The following VAT1L variants were observed in gnomAD, a reference collection of about 807,000 sequenced individuals.
The protein encoded by VAT1L is putative NADPH-dependent quinone oxidoreductase VAT1L.
Under a neutral mutation model 44.1 loss-of-function variants are expected in VAT1L, and 34 were observed. The ratio of observed to expected loss-of-function variants is 0.77; its 90% CI spans 0.59 to 1.03. The LOEUF is 1.03. VAT1L is among the 50% of genes least tolerant of loss of function. VAT1L has a pLI of 0.00. For synonymous variants in VAT1L, 253 were observed against 202.2 expected, an observed-to-expected ratio of 1.25 and a Z score of -2.13; for missense variants, 615 against 538.8, an observed-to-expected ratio of 1.14 and a Z score of -1.40.
In VAT1L at chr16:77,805,729, G is replaced by A. The variant is rs1316000192; in HGVS notation, c.234-11192G>A. On this transcript the variant is annotated intron_variant, in intron 1 of 8. Transcript: ENST00000302536. ...TGATGCCTGCCTCTCCGCCAGTGTC[G>A]TGATCTCCGACTTCCCACAGACACA... Among the ~76,000 whole-genome samples the A allele has an allele frequency of 3.9e-5, 6 of 151,946 alleles. No homozygotes were observed. In the South Asian group the frequency reaches 1.2e-3, roughly 32 times the overall value.
At chr16:77,871,490 T>C (rs540064728) in intron 4 of VAT1L, among the ~76,000 whole-genome samples, 1 of 152,226 alleles carries the variant, frequency 6.6e-6, no homozygotes, top group Non-Finnish European at 1.5e-5. Context: ...ACAGTGGTGG[T>C]CGCCTCAGGG....
chr16:77,912,074 G>C (rs1348933058), intron 7 of VAT1L, among the ~76,000 whole-genome samples: 1 of 152,164 alleles, frequency 6.6e-6, no homozygotes, highest in Non-Finnish European at 1.5e-5. Flanking sequence ...AAGGCAGTGT[G>C]ACATAGTAGA....
intron 2 of VAT1L, among the ~76,000 whole-genome samples, chr16:77,818,019 A>T (rs2145237423): frequency 6.6e-6 from 1 of 152,264 alleles, no homozygotes; most frequent in Admixed American, 6.5e-5. Context: ...AGGGTTCAGT[A>T]ATTTTCTGTG....
At chr16:77,908,464 CAAAAAAAAAAA>C (rs11418351) in intron 7 of VAT1L, among the ~76,000 whole-genome samples, 11 of 39,380 alleles carry the variant, frequency 2.8e-4, no homozygotes, top group Admixed American at 2.3e-3. Flanking sequence ...GGTTCTGTCT[CAAAAAAAAAAA>C]AAAAAAAAAA....
At chr16:77,824,130 A>T (rs1397613998) in intron 2 of VAT1L, among the ~76,000 whole-genome samples, 1 of 152,254 alleles carries the variant, frequency 6.6e-6, no homozygotes, top group Non-Finnish European at 1.5e-5. Context: ...ATTTTTGAGA[A>T]GTCCTAAAGG....
chr16:77,796,105 G>A (rs2015929179), intron 1 of VAT1L, among the ~76,000 whole-genome samples: 1 of 152,130 alleles, frequency 6.6e-6, no homozygotes, highest in African/African-American at 2.4e-5. Flanking sequence ...GGATTTACAG[G>A]CATGAGGCAC....
At chr16:77,925,387 T>TC (rs2017654974) in intron 7 of VAT1L, among the ~76,000 whole-genome samples, 2 of 152,156 alleles carry the variant, frequency 1.3e-5, no homozygotes, top group Admixed American at 1.3e-4. Flanking sequence ...TAATTTCACC[T>TC]CGATCAAGTG....
intron 7 of VAT1L, among the ~76,000 whole-genome samples, chr16:77,907,428 G>A (rs1374581156): frequency 6.6e-6 from 1 of 152,122 alleles, no homozygotes; most frequent in African/African-American, 2.4e-5. Context: ...ATTTTTTGCT[G>A]TGAGGCTATA....
At chr16:77,815,661 G>C (rs2016337857) in intron 1 of VAT1L, among the ~76,000 whole-genome samples, 1 of 152,070 alleles carries the variant, frequency 6.6e-6, no homozygotes, top group African/African-American at 2.4e-5. Flanking sequence ...AAATAAGCAA[G>C]ATGTGCTTTA....
intron 4 of VAT1L, among the ~76,000 whole-genome samples, chr16:77,867,373 A>T (rs763291746): frequency 1.3e-5 from 2 of 152,316 alleles, no homozygotes. Flanking sequence ...AAAGCTATTA[A>T]AAAAACCTGC....
At chr16:77,868,453 C>A (rs191625728) in intron 4 of VAT1L, among the ~76,000 whole-genome samples, 1 of 152,302 alleles carries the variant, frequency 6.6e-6, no homozygotes, top group East Asian at 1.9e-4. Context: ...TGAGCAATGC[C>A]TAAATGGAAG....
chr16:77,801,821 C>CCATACCTATG (rs924266447), intron 1 of VAT1L: 1 of 152,008 alleles, frequency 6.6e-6, no homozygotes, highest in African/African-American at 2.4e-5. Context: ...ATTAAACCTA[C>CCATACCTATG]CATACCTATG....
At chr16:77,840,628 A>G (rs763062762) in intron 3 of VAT1L, among the ~76,000 whole-genome samples, 40 of 152,198 alleles carry the variant, frequency 2.6e-4, no homozygotes, top group Non-Finnish European at 5.6e-4. Flanking sequence ...AGAAAATACT[A>G]CAGACCAGTT....
Position 77,943,469 on chromosome 16 carries a change from G to T in VAT1L, c.1078-28381G>T, listed in dbSNP as rs140635053. Among the ~76,000 whole-genome samples the T allele has an allele frequency of 7.8e-3, 1,013 of 129,630 alleles. 14 individuals are homozygous for T. Among genetic ancestry groups the T allele is most frequent in the African/African-American group, 0.029 (971 of 33,952 alleles). 85.0% of individuals were successfully genotyped at this position (129,630 alleles called of 152,430 possible). ...GGCTGGAGTGCAGCGGCACCATCACGGCTCACTGCAAGCTCCACCTCCCGG... is the reference window on the plus strand; with the variant it reads ...GGCTGGAGTGCAGCGGCACCATCACTGCTCACTGCAAGCTCCACCTCCCGG... On this transcript the variant is annotated intron_variant, in intron 7 of 8. Transcript: ENST00000302536.
chr16:77,884,414 C>T lies in VAT1L; in HGVS notation c.883-194C>T, dbSNP rs1027329216. Among the ~76,000 whole-genome samples the T allele has an allele frequency of 1.3e-5, 2 of 151,918 alleles. No homozygotes were observed. The highest frequency in any genetic ancestry group is 4.8e-5 in the African/African-American group (2 of 41,330). On this transcript the variant is annotated intron_variant, in intron 6 of 8. Coordinates refer to ENST00000302536, the MANE Select transcript of VAT1L (RefSeq NM_020927.3). This position sits in a 1 kb window ranked among gnomAD's most constrained non-coding sequence, Gnocchi z 4.5. ...CTCCAGCCTGGGCTACAGAGTGAGA[C>T]TCCATCTCAAAAAATAAAAATAAAA...
intron 7 of VAT1L, among the ~76,000 whole-genome samples, chr16:77,951,342 T>C (rs569740630): frequency 6.1e-4 from 93 of 152,150 alleles, no homozygotes; most frequent in African/African-American, 2.2e-3. Context: ...GGTCAGGAGC[T>C]TGGGACCAGC....
intron 3 of VAT1L, among the ~76,000 whole-genome samples, chr16:77,837,230 G>A (rs571685456): frequency 6.6e-6 from 1 of 152,320 alleles, no homozygotes; most frequent in East Asian, 1.9e-4. Context: ...TTTCCCAGGA[G>A]CTGAGGAAGA....
At chr16:77,829,215 C>CAT (rs1437821683) in intron 3 of VAT1L, among the ~76,000 whole-genome samples, 1 of 152,152 alleles carries the variant, frequency 6.6e-6, no homozygotes, top group Non-Finnish European at 1.5e-5. Flanking sequence ...CAGTGCTCAG[C>CAT]ATAGATGTTT....
At chr16:77,896,370 C>G (rs2017324934) in intron 7 of VAT1L, among the ~76,000 whole-genome samples, 1 of 140,308 alleles carries the variant, frequency 7.1e-6, no homozygotes, top group Non-Finnish European at 1.6e-5. Flanking sequence ...ATGGGCTTGC[C>G]TCCCTCATTG....
Sources: allele counts gnomAD v4.1 joint callset (sites outside exome capture counted in the v4.1 genomes callset), GRCh38; gene constraint gnomAD v4.1.1; non-coding constraint Gnocchi (gnomAD v3.1); transcripts MANE v1.5; gene names NCBI Gene and HGNC (gene_info 2026-07-23, HGNC 2026-07-21).